SEMA3A: variants seen among roughly 807,000 people sequenced by gnomAD.
The protein encoded by SEMA3A is semaphorin 3A, also known as semaphorin-3A.
In SEMA3A, 29 loss-of-function variants were observed where a neutral mutation model predicts 97.9. That is an observed-to-expected ratio of 0.30 (90% CI 0.22 to 0.40). The LOEUF is 0.40. Ranked by LOEUF, SEMA3A falls within the 10% of genes least tolerant of loss-of-function variation. The pLI is 1.00. For synonymous variants in SEMA3A, 321 were observed against 323.7 expected (o/e 0.99, Z 0.09); for missense variants, 763 against 951.3 (o/e 0.80, Z 2.60).
At chr7:84,217,446 C>A (rs1798776255) in intron 3 of SEMA3A, among the ~76,000 whole-genome samples, 1 of 152,090 alleles carries the variant, frequency 6.6e-6, no homozygotes, top group African/African-American at 2.4e-5. Context: ...CTAATAAACA[C>A]ACTTGACCCT....
chr7:84,450,853 ATTAT>A (rs780491353), intron 1 of SEMA3A, among the ~76,000 whole-genome samples: 14 of 152,152 alleles, frequency 9.2e-5, no homozygotes, highest in South Asian at 2.1e-4. Context: ...CTTAAATTAG[ATTAT>A]TTGTTTACTG....
chr7:84,051,363 G>C (rs113316532), intron 5 of SEMA3A, among the ~76,000 whole-genome samples: 8 of 152,166 alleles, frequency 5.3e-5, no homozygotes, highest in African/African-American at 1.9e-4. Context: ...TCTTCCTTTT[G>C]TTTGTATCCT....
chr7:84,318,028 C>T (rs1801551890), intron 2 of SEMA3A, among the ~76,000 whole-genome samples: 1 of 152,046 alleles, frequency 6.6e-6, no homozygotes, highest in Non-Finnish European at 1.5e-5. Flanking sequence ...ATCCAGGCCT[C>T]CATTTTTTAT....
rs1259764979 is a variant in SEMA3A, at chr7:84,129,147, G to A, written c.309C>T (p.Cys103=). The stretch of plus-strand genomic sequence containing the variant: ...CCAGGATGTCTTTTCCAGCCCACTT[G>A]CATTCATCTCTTCTGGTGTAAGATA... ...WPVSYTRRDE[C]KWAGKDILKE... Residue 103 remains cysteine (C), a synonymous_variant, in exon 3 of 17, where the codon TGC becomes TGT. Transcript: ENST00000265362. 6.2e-7 allele frequency: 1 copy of A among 1,612,730 alleles called. No individual in the cohort carries two copies. The highest frequency in any genetic ancestry group is 8.5e-7 in the Non-Finnish European group (1 of 1,178,874).
intron 2 of SEMA3A, among the ~76,000 whole-genome samples, chr7:84,312,873 TATATATATATATATATATATATATATA>T (rs1801364834): frequency 7.0e-5 from 1 of 14,350 alleles, no homozygotes; most frequent in African/African-American, 3.9e-4. Context: ...GGTGTTGTTT[TATATATATATATATATATATATATATA>T]TATATATATA....
chr7:84,189,812 T>C (rs746278167), intron 1 of SEMA3A, among the ~76,000 whole-genome samples: 1 of 151,626 alleles, frequency 6.6e-6, no homozygotes, highest in Non-Finnish European at 1.5e-5. Flanking sequence ...TACTATAGAA[T>C]TTAAGTATAA....
At chr7:83,962,632 T>C (rs758640438) in intron 16 of SEMA3A, among the ~76,000 whole-genome samples, 2 of 152,180 alleles carry the variant, frequency 1.3e-5, no homozygotes, top group African/African-American at 4.8e-5. Flanking sequence ...TAGTGCTCAC[T>C]AAGATTTTCT....
intron 1 of SEMA3A, among the ~76,000 whole-genome samples, chr7:84,406,839 C>A (rs1369774121): frequency 6.6e-6 from 1 of 152,074 alleles, no homozygotes; most frequent in Admixed American, 6.6e-5. Flanking sequence ...AGGCCTTTGA[C>A]AAAATTCAAC....
intron 12 of SEMA3A, among the ~76,000 whole-genome samples, chr7:83,987,315 G>T (rs1360849710): frequency 6.6e-6 from 1 of 151,986 alleles, no homozygotes; most frequent in African/African-American, 2.4e-5. Context: ...AAAAATCTGA[G>T]GATAGTTGAC....
chr7:84,075,398 A>T (rs1793909417), intron 4 of SEMA3A, among the ~76,000 whole-genome samples: 1 of 149,686 alleles, frequency 6.7e-6, no homozygotes, highest in South Asian at 2.1e-4. Context: ...ACCTCAGGTG[A>T]TCCACCCGCC....
chr7:84,169,001 A>G (rs2116195529), intron 1 of SEMA3A, among the ~76,000 whole-genome samples: 1 of 151,886 alleles, frequency 6.6e-6, no homozygotes, highest in African/African-American at 2.4e-5. Flanking sequence ...AAAAATGTTG[A>G]GGCTAATATA....
At chr7:84,453,336 A>T (rs1049285038) in intron 1 of SEMA3A, among the ~76,000 whole-genome samples, 5 of 150,306 alleles carry the variant, frequency 3.3e-5, no homozygotes, top group Non-Finnish European at 5.9e-5. Context: ...CCTGGGGTTC[A>T]CGCCATTCTC....
chr7:84,332,429 T>A (rs1393755536), intron 2 of SEMA3A, among the ~76,000 whole-genome samples: 1 of 152,144 alleles, frequency 6.6e-6, no homozygotes, highest in East Asian at 1.9e-4. Flanking sequence ...TTCTACGAAG[T>A]CTTGGACAGT....
intron 2 of SEMA3A, among the ~76,000 whole-genome samples, chr7:84,324,618 A>G (rs550070677): frequency 6.6e-6 from 1 of 152,332 alleles, no homozygotes; most frequent in East Asian, 1.9e-4. Flanking sequence ...TCTAGATAAC[A>G]AAATATGTAA....
At chr7:84,295,321 C>G (rs1172208604) in intron 3 of SEMA3A, among the ~76,000 whole-genome samples, 1 of 151,374 alleles carries the variant, frequency 6.6e-6, no homozygotes, top group African/African-American at 2.4e-5. Context: ...TTTTTTATAT[C>G]CTTGCATTAA....
rs183586055 is a variant in SEMA3A at position 84,109,933 on chromosome 7, A to T, written c.453+537T>A. 2.8e-3 allele frequency among the ~76,000 whole-genome samples: 425 copies of T among 152,286 alleles called. 1 individual carries two copies. Among genetic ancestry groups the T allele is most frequent in the African/African-American group, 9.6e-3 (397 of 41,564 alleles). On this transcript the variant is annotated intron_variant, in intron 4 of 16. Transcript: ENST00000265362. ...TTTACAAGGAATAGACAGATTTTTT[A>T]AAAAAACATATTTTTTTCTTTTCCA... is the stretch of plus-strand genomic sequence containing the variant.
chr7:84,259,925 T>C (rs925796655), intron 3 of SEMA3A, among the ~76,000 whole-genome samples: 2 of 150,768 alleles, frequency 1.3e-5, no homozygotes, highest in African/African-American at 2.4e-5. Context: ...AGAAAGGGAG[T>C]GTTCTAGAGC....
At chr7:84,157,731 A>G (rs1473499367) in intron 1 of SEMA3A, among the ~76,000 whole-genome samples, 3 of 152,190 alleles carry the variant, frequency 2.0e-5, no homozygotes, top group Non-Finnish European at 4.4e-5. Flanking sequence ...TCTTACACAC[A>G]TCTTTCACTT....
At chr7:84,031,621 G>A (rs1791758768) in intron 6 of SEMA3A, among the ~76,000 whole-genome samples, 1 of 151,978 alleles carries the variant, frequency 6.6e-6, no homozygotes, top group Non-Finnish European at 1.5e-5. Context: ...ATCACCTGAG[G>A]TTGGGAGTTC....
Sources: gnomAD v4.1 joint callset for allele counts (sites outside exome capture counted in the v4.1 genomes callset) on GRCh38, gnomAD v4.1.1 for gene constraint, MANE v1.5 for transcripts, NCBI Gene and HGNC (gene_info 2026-07-23, HGNC 2026-07-21) for gene names.